CACNA2D1: variants seen among roughly 807,000 people sequenced by gnomAD.
CACNA2D1 encodes voltage-dependent calcium channel subunit alpha-2/delta-1.
In CACNA2D1, 53 loss-of-function variants were observed where a neutral mutation model predicts 171.5. That is an observed-to-expected ratio of 0.31 (90% CI 0.25 to 0.39). The LOEUF is 0.39. CACNA2D1 is among the 10% of genes least tolerant of loss of function. CACNA2D1 has a pLI of 1.00. For synonymous variants in CACNA2D1, 442 were observed against 443.1 expected (o/e 1.00, Z 0.03); for missense variants, 903 against 1,299.8 (o/e 0.69, Z 4.69).
At chr7:82,403,601 T>G (rs1433478113) in intron 1 of CACNA2D1, among the ~76,000 whole-genome samples, 1 of 152,216 alleles carries the variant, frequency 6.6e-6, no homozygotes, top group Admixed American at 6.5e-5. Flanking sequence ...TCTTTGCTAC[T>G]TACTGAACAA....
chr7:82,386,464 T>G (rs2129450012), intron 1 of CACNA2D1, among the ~76,000 whole-genome samples: 1 of 152,258 alleles, frequency 6.6e-6, no homozygotes, highest in South Asian at 2.1e-4. Flanking sequence ...GAACTAACAC[T>G]GGCCAAGCAC....
chr7:82,298,528 A>G (rs901531457), intron 3 of CACNA2D1, among the ~76,000 whole-genome samples: 8 of 152,016 alleles, frequency 5.3e-5, no homozygotes, highest in African/African-American at 1.9e-4. Context: ...TTTCATATTT[A>G]TAGTTCAATC....
intron 18 of CACNA2D1, 71 bp from the exon 19 acceptor site, chr7:81,997,321 C>A (rs37108): frequency 9.9e-7 from 1 of 1,010,428 alleles, no homozygotes; most frequent in African/African-American, 1.6e-5. Context: ...AACAATTTAA[C>A]GGGTATTTAT....
chr7:82,312,568 G>A (rs1324551100), intron 3 of CACNA2D1, among the ~76,000 whole-genome samples: 1 of 133,586 alleles, frequency 7.5e-6, no homozygotes, highest in Non-Finnish European at 1.5e-5. Flanking sequence ...AGGCTGGAAT[G>A]TGCAGTGGCA....
chr7:82,166,167 T>C (rs1286288574), intron 4 of CACNA2D1, among the ~76,000 whole-genome samples: 1 of 152,022 alleles, frequency 6.6e-6, no homozygotes, highest in Non-Finnish European at 1.5e-5. Context: ...AAACACAAAA[T>C]TTAAAATATC....
intron 3 of CACNA2D1, among the ~76,000 whole-genome samples, chr7:82,243,050 A>G (rs1318042457): frequency 1.3e-5 from 2 of 152,152 alleles, no homozygotes; most frequent in African/African-American, 4.8e-5. Context: ...TTATCAAAAC[A>G]TTTTAGCATA....
chr7:82,029,964 G>A (rs1250640598), intron 12 of CACNA2D1: 1 of 151,870 alleles, frequency 6.6e-6, no homozygotes, highest in East Asian at 1.9e-4. Flanking sequence ...GGAAAAATGT[G>A]TGTGTCCTTA....
chr7:82,361,123 C>G (rs971498363), intron 1 of CACNA2D1, among the ~76,000 whole-genome samples: 1 of 152,192 alleles, frequency 6.6e-6, no homozygotes, highest in Non-Finnish European at 1.5e-5. Flanking sequence ...CTTTGACCCT[C>G]TTTGCCTGAG....
Position 81,973,280 on chromosome 7 carries a change from G to T in CACNA2D1, c.2053+1175C>A, listed in dbSNP as rs1394864823. 4.6e-5 allele frequency among the ~76,000 whole-genome samples: 7 copies of T among 152,070 alleles called. No individual in the cohort carries two copies. The East Asian group carries it at 9.7e-4, about 21-fold the overall frequency. ...ATAAAATAACATTTCAAAGGCACTG[G>T]CTCAGTCTCAGTGAGCTTGCACTGA... On this transcript the variant is annotated intron_variant, in intron 25 of 38. Transcript: ENST00000356860.
chr7:82,304,771 T>C (rs1813502726), intron 3 of CACNA2D1, among the ~76,000 whole-genome samples: 1 of 151,900 alleles, frequency 6.6e-6, no homozygotes, highest in South Asian at 2.1e-4. Context: ...AAACACACAA[T>C]GAAAGAGAAG....
intron 1 of CACNA2D1, among the ~76,000 whole-genome samples, chr7:82,352,934 G>A (rs1435879999): frequency 2.0e-5 from 3 of 152,178 alleles, no homozygotes; most frequent in Non-Finnish European, 4.4e-5. Context: ...TGATAGGCCA[G>A]GCCAAGGGTC....
intron 3 of CACNA2D1, among the ~76,000 whole-genome samples, chr7:82,184,843 G>C (rs935408284): frequency 2.0e-5 from 3 of 152,088 alleles, no homozygotes; most frequent in Admixed American, 2.0e-4. Context: ...AATAAAGAAG[G>C]GCTGATATAT....
At chr7:82,205,481 C>G (rs985446222) in intron 3 of CACNA2D1, among the ~76,000 whole-genome samples, 2 of 151,890 alleles carry the variant, frequency 1.3e-5, no homozygotes, top group Non-Finnish European at 2.9e-5. Context: ...TAAGTTTCAA[C>G]AAGTAGGACA....
At chr7:82,062,389 G>A (rs777774726) in intron 9 of CACNA2D1, among the ~76,000 whole-genome samples, 8 of 151,958 alleles carry the variant, frequency 5.3e-5, no homozygotes, top group Non-Finnish European at 8.8e-5. Context: ...TCCCATGCTT[G>A]CCTTTGAAAA....
chr7:82,358,475 T>G (rs1820707818), intron 1 of CACNA2D1, among the ~76,000 whole-genome samples: 1 of 152,200 alleles, frequency 6.6e-6, no homozygotes, highest in African/African-American at 2.4e-5. Context: ...ATAACACTGC[T>G]GCTCTGTTTT....
chr7:82,236,747 AAAG>A (rs1253586317), intron 3 of CACNA2D1, among the ~76,000 whole-genome samples: 3 of 151,988 alleles, frequency 2.0e-5, no homozygotes, highest in African/African-American at 7.2e-5. Context: ...TGATATAACA[AAAG>A]TAGAAGAAAA....
chr7:82,442,353 A>G (rs1249918130), intron 1 of CACNA2D1, among the ~76,000 whole-genome samples: 1 of 152,206 alleles, frequency 6.6e-6, no homozygotes. Flanking sequence ...AATGCATTAA[A>G]GTGACTCATC....
At chr7:82,021,766 G>A (rs1266657633) in intron 12 of CACNA2D1, among the ~76,000 whole-genome samples, 1 of 152,132 alleles carries the variant, frequency 6.6e-6, no homozygotes, top group East Asian at 1.9e-4. Context: ...AGAGGGTGCT[G>A]AAATAGAGAA....
At chr7:82,138,440 G>GTTTTTTTT (rs1423711232) in intron 4 of CACNA2D1, among the ~76,000 whole-genome samples, 12 of 95,392 alleles carry the variant, frequency 1.3e-4, no homozygotes, top group African/African-American at 4.3e-4. Flanking sequence ...TGTTTTTTTT[G>GTTTTTTTT]TTTTTTTTGT....
Sources: allele counts gnomAD v4.1 joint callset (sites outside exome capture counted in the v4.1 genomes callset), GRCh38; gene constraint gnomAD v4.1.1; transcripts MANE v1.5; gene names NCBI Gene and HGNC (gene_info 2026-07-23, HGNC 2026-07-21).